HS3ST3B1: variants seen among roughly 807,000 people sequenced by gnomAD.
HS3ST3B1 encodes heparan sulfate-glucosamine 3-sulfotransferase 3B1, also known as heparan sulfate glucosamine 3-O-sulfotransferase 3B1.
Under a neutral mutation model 21.3 loss-of-function variants are expected in HS3ST3B1, and 13 were observed. The ratio of observed to expected loss-of-function variants is 0.61; its 90% confidence interval spans 0.40 to 0.97. The LOEUF is 0.97. Among genes scored for constraint, HS3ST3B1 ranks in the 50% least tolerant of loss-of-function variants. The probability of loss-of-function intolerance (pLI) is 0.00; values close to 1 mark genes in which losing one functional copy is unlikely to be tolerated. For synonymous variants in HS3ST3B1, 234 were observed against 254.8 expected (o/e 0.92, Z 0.78); for missense variants, 459 against 554.8 (o/e 0.83, Z 1.73).
chr17:14,318,299 T>G (rs1909560551), intron 1 of HS3ST3B1, among the ~76,000 whole-genome samples: 1 of 152,168 alleles, frequency 6.6e-6, no homozygotes, highest in Admixed American at 6.5e-5. Context: ...AGAGGATCCC[T>G]GTCATTCTTC....
At chr17:14,310,110 T>C (rs1359752829) in intron 1 of HS3ST3B1, among the ~76,000 whole-genome samples, 1 of 152,156 alleles carries the variant, frequency 6.6e-6, no homozygotes, top group East Asian at 1.9e-4. Context: ...TTCCATAATT[T>C]GGCCCATTAA....
At position 14,301,773 on chromosome 17, in the gene HS3ST3B1, C is replaced by G. The variant is rs1428976214; in HGVS notation, c.255C>G (p.Pro85=). 60 of 1,566,912 alleles carry G rather than the reference C, an allele frequency of 3.8e-5. No individual in the cohort carries two copies. The East Asian group carries it at 1.4e-3, about 36-fold the overall frequency. The change falls in exon 1 of 2, where the codon CCC becomes CCG. Residue 85 remains proline (P), a synonymous_variant. Transcript: ENST00000360954. ...TGGCCACAGCTCCGGACGGGACGCC[C>G]CCCAGGCTGCCGTTCCGGGCGCCGC... is the stretch of plus-strand genomic sequence containing the variant. ...PALATAPDGT[P]PRLPFRAPPA...
chr17:14,331,910 GCTGATACACAT>G (rs1309392099), intron 1 of HS3ST3B1, among the ~76,000 whole-genome samples: 1 of 152,112 alleles, frequency 6.6e-6, no homozygotes, highest in Non-Finnish European at 1.5e-5. Flanking sequence ...GAGTGGCAGG[GCTGATACACAT>G]CTTCTGCCCA....
At chr17:14,342,234 T>C (rs567064640) in intron 1 of HS3ST3B1, among the ~76,000 whole-genome samples, 3 of 151,620 alleles carry the variant, frequency 2.0e-5, no homozygotes, top group African/African-American at 7.3e-5. Flanking sequence ...TCAAAAATAA[T>C]GTGGAAATTC....
intron 1 of HS3ST3B1, among the ~76,000 whole-genome samples, chr17:14,334,037 A>G (rs1567642529): frequency 6.6e-6 from 1 of 152,226 alleles, no homozygotes; most frequent in Non-Finnish European, 1.5e-5. Flanking sequence ...TTGGGATTAC[A>G]GGCGTGAGCC....
At chr17:14,321,527 G>T (rs1054226906) in intron 1 of HS3ST3B1, among the ~76,000 whole-genome samples, 1 of 152,128 alleles carries the variant, frequency 6.6e-6, no homozygotes, top group African/African-American at 2.4e-5. Context: ...GCCCTGGGTC[G>T]GTTCGTGAGC....
chr17:14,308,133 C>T (rs557847201), intron 1 of HS3ST3B1, among the ~76,000 whole-genome samples: 1 of 152,226 alleles, frequency 6.6e-6, no homozygotes, highest in South Asian at 2.1e-4. Context: ...CAAACTATGC[C>T]AAAACAAAAC....
intron 1 of HS3ST3B1, among the ~76,000 whole-genome samples, chr17:14,337,396 C>T (rs1324426584): frequency 1.5e-4 from 22 of 151,010 alleles, no homozygotes; most frequent in Admixed American, 9.2e-4. Flanking sequence ...GTCAGGATCT[C>T]GGCTCACTGC....
At chr17:14,326,975 C>G (rs1597596030) in intron 1 of HS3ST3B1, among the ~76,000 whole-genome samples, 1 of 151,144 alleles carries the variant, frequency 6.6e-6, no homozygotes, top group African/African-American at 2.4e-5. Flanking sequence ...TCAGTTGTCC[C>G]GAGCACAACT....
At position 14,345,041 on chromosome 17, in the gene HS3ST3B1, A is replaced by G. The variant is rs1379859303; in HGVS notation, c.568A>G (p.Arg190Gly). 6.2e-6 allele frequency: 10 copies of G among 1,602,680 alleles called. No homozygotes were observed. Among genetic ancestry groups the G allele is most frequent in the South Asian group, 1.1e-5 (1 of 89,746 alleles). The change falls in exon 2 of 2, where the codon AGA becomes GGA. Residue 190 changes from arginine to glycine, a missense_variant. This residue lies in a region of HS3ST3B1 where 317 missense variants were observed against 278.6 expected (regional missense o/e 1.14). Coordinates refer to ENST00000360954, the MANE Select transcript of HS3ST3B1 (RefSeq NM_006041.3). ...GLAWYRDLMP[R>G]TLDGQITMEK... is the part of the protein sequence containing the mutation. ...TGCGTTTCTCAGGGACCTGATGCCC[A>G]GAACCCTGGACGGGCAGATCACCAT...
chr17:14,330,909 G>A (rs562368568), intron 1 of HS3ST3B1, among the ~76,000 whole-genome samples: 7 of 152,124 alleles, frequency 4.6e-5, no homozygotes, highest in South Asian at 2.1e-4. Flanking sequence ...ACTCATCAGA[G>A]ACAAAACGTT....
Position 14,346,579 on chromosome 17 carries a change from G to A in HS3ST3B1, c.*933G>A, listed in dbSNP as rs938778343. The A allele has an allele frequency of 6.6e-6, 1 of 152,298 alleles. No individual in the cohort carries two copies. Among genetic ancestry groups the A allele is most frequent in the African/African-American group, 2.4e-5 (1 of 41,404 alleles). The allele number at this position is 152,298 out of a possible 1,614,324, so 9.4% of individuals were successfully genotyped here. A position where few individuals can be genotyped will look rare whatever the true frequency, so the allele number is the denominator to read the frequency against. On this transcript the variant is annotated 3_prime_UTR_variant, in exon 2 of 2. Transcript: ENST00000360954. ...CATCCTTCTAGAGTCAGAATGGTAG[G>A]GTCTGTTGACTTCAGCTTTTGATTT...
At chr17:14,313,951 A>T (rs1408523767) in intron 1 of HS3ST3B1, among the ~76,000 whole-genome samples, 1 of 151,748 alleles carries the variant, frequency 6.6e-6, no homozygotes, top group Non-Finnish European at 1.5e-5. Flanking sequence ...TATTGTTTAT[A>T]AATCTGTGGG....
chr17:14,343,987 C>T (rs1910473299), intron 1 of HS3ST3B1, among the ~76,000 whole-genome samples: 1 of 151,646 alleles, frequency 6.6e-6, no homozygotes, highest in Non-Finnish European at 1.5e-5. Context: ...ACCTCTGCCT[C>T]CCTGGTTCCA....
chr17:14,332,546 T>A (rs999030727), intron 1 of HS3ST3B1, among the ~76,000 whole-genome samples: 1 of 151,876 alleles, frequency 6.6e-6, no homozygotes, highest in Admixed American at 6.6e-5. Context: ...GTCACCTGAG[T>A]AGGTGGAATG....
chr17:14,306,133 C>G (rs1909133230), intron 1 of HS3ST3B1, among the ~76,000 whole-genome samples: 1 of 152,190 alleles, frequency 6.6e-6, no homozygotes, highest in Non-Finnish European at 1.5e-5. Context: ...GGTCTCAGCG[C>G]AGACTGCAGA....
intron 1 of HS3ST3B1, among the ~76,000 whole-genome samples, chr17:14,338,494 G>A (rs1218986668): frequency 6.6e-6 from 1 of 151,350 alleles, no homozygotes; most frequent in Non-Finnish European, 1.5e-5. Context: ...CCAGGCTGGA[G>A]TGCAATGGCA....
At chr17:14,305,480 G>A (rs886175759) in intron 1 of HS3ST3B1, 2 of 152,204 alleles carry the variant, frequency 1.3e-5, no homozygotes, top group African/African-American at 4.8e-5. Flanking sequence ...AAGTTTGAAT[G>A]ACCAAAAATT....
rs907668946 is a variant in HS3ST3B1, at chr17:14,347,888, G to A, written c.*2242G>A. 2 of 152,186 alleles carry A rather than the reference G, an allele frequency of 1.3e-5. No homozygotes were observed. Among genetic ancestry groups the A allele is most frequent in the Non-Finnish European group, 2.9e-5 (2 of 68,044 alleles). The allele number at this position is 152,186 out of a possible 1,614,324, so 9.4% of individuals were successfully genotyped here. Reference sequence around the variant, plus strand: ...AGGGGAATACCAGAATCATAGCGTGGTTCTGCCTTCTTGATGAGTGATTGT... The same window carrying A: ...AGGGGAATACCAGAATCATAGCGTGATTCTGCCTTCTTGATGAGTGATTGT... On this transcript the variant is annotated 3_prime_UTR_variant, in exon 2 of 2. Coordinates refer to ENST00000360954, the MANE Select transcript of HS3ST3B1 (RefSeq NM_006041.3).
Sources: allele counts gnomAD v4.1 joint callset (sites outside exome capture counted in the v4.1 genomes callset), GRCh38; gene constraint gnomAD v4.1.1; regional missense constraint gnomAD v4.1.1; transcripts MANE v1.5; gene names NCBI Gene and HGNC (gene_info 2026-07-23, HGNC 2026-07-21).